KCNJ3: variants seen among roughly 807,000 people sequenced by gnomAD.
KCNJ3 encodes the protein G protein-activated inward rectifier potassium channel 1.
KCNJ3 carries 4 observed loss-of-function variants against 39.2 expected under a neutral mutation model. The observed-to-expected ratio is 0.10, with a 90% CI of 0.05 to 0.23. KCNJ3 has a LOEUF of 0.23. Ranked by LOEUF, KCNJ3 falls within the 10% of genes least tolerant of loss-of-function variation. KCNJ3 has a pLI of 1.00. For synonymous variants in KCNJ3, 230 were observed against 237.4 expected (o/e 0.97, Z 0.29); for missense variants, 276 against 634.9 (o/e 0.43, Z 6.08).
intron 2 of KCNJ3, among the ~76,000 whole-genome samples, chr2:154,716,464 G>T (rs975489571): frequency 1.3e-5 from 2 of 151,594 alleles, no homozygotes; most frequent in African/African-American, 4.8e-5. Flanking sequence ...TAGTGAGATT[G>T]AAATTATTGT....
In KCNJ3 at chr2:154,857,849, C is replaced by T. The variant is rs2652421; in HGVS notation, c.*2536C>T. ...TGAGCCAAGATTCTGCCACTGCACT[C>T]CAGCCTGGGTGACAGTGCGAGACTC... On this transcript the variant is annotated 3_prime_UTR_variant, in exon 3 of 3. Transcript: ENST00000295101. The T allele has an allele frequency of 0.39, 50,919 of 131,750 alleles. 10,839 individuals carry two copies. The highest frequency in any genetic ancestry group is 0.89 in the East Asian group (4,185 of 4,722). The allele number at this position is 131,750 out of a possible 1,614,324, so 8.2% of individuals were successfully genotyped here. A position where few individuals can be genotyped will look rare whatever the true frequency, so the allele number is the denominator to read the frequency against.
chr2:154,710,132 TTAAA>T (rs1213028440), intron 2 of KCNJ3, among the ~76,000 whole-genome samples: 2 of 152,142 alleles, frequency 1.3e-5, no homozygotes, highest in African/African-American at 4.8e-5. Flanking sequence ...TGATTTTTCT[TTAAA>T]GATTTAAGGC....
At chr2:154,711,871 C>T (rs892036761) in intron 2 of KCNJ3, among the ~76,000 whole-genome samples, 1 of 151,968 alleles carries the variant, frequency 6.6e-6, no homozygotes, top group African/African-American at 2.4e-5. Flanking sequence ...GTTATTTTAC[C>T]ATTTTCCCCC....
chr2:154,784,139 GATA>G (rs1388557777), intron 2 of KCNJ3, among the ~76,000 whole-genome samples: 1 of 152,120 alleles, frequency 6.6e-6, no homozygotes, highest in Non-Finnish European at 1.5e-5. Flanking sequence ...TTTGTGAATT[GATA>G]ATGTTAACTC....
At chr2:154,709,915 G>T in intron 2 of KCNJ3, 96 bp downstream of exon 2, 1 of 1,359,916 alleles carries the variant, frequency 7.4e-7, no homozygotes. Context: ...AAATGACTCA[G>T]AGTTTACAAT....
chr2:154,748,404 C>G (rs1031432337), intron 2 of KCNJ3, among the ~76,000 whole-genome samples: 2 of 151,970 alleles, frequency 1.3e-5, no homozygotes, highest in Non-Finnish European at 2.9e-5. Flanking sequence ...TCCTTGTTCC[C>G]TTTAATAAAC....
intron 2 of KCNJ3, among the ~76,000 whole-genome samples, chr2:154,748,379 T>C (rs574093397): frequency 6.6e-6 from 1 of 152,206 alleles, no homozygotes; most frequent in South Asian, 2.1e-4. Flanking sequence ...ATATTGAAGG[T>C]ACGATAGTGC....
chr2:154,830,220 T>A (rs531489291), intron 2 of KCNJ3, among the ~76,000 whole-genome samples: 1 of 152,262 alleles, frequency 6.6e-6, no homozygotes, highest in South Asian at 2.1e-4. Context: ...CTCAAATTAG[T>A]CTGGATTTTT....
At chr2:154,700,995 C>A (rs1574425709) in intron 1 of KCNJ3, among the ~76,000 whole-genome samples, 2 of 152,094 alleles carry the variant, frequency 1.3e-5, no homozygotes, top group Non-Finnish European at 2.9e-5. Context: ...TAATTAATTT[C>A]AATGAACTGC....
chr2:154,752,705 C>G (rs1685867776), intron 2 of KCNJ3, among the ~76,000 whole-genome samples: 1 of 152,016 alleles, frequency 6.6e-6, no homozygotes, highest in Non-Finnish European at 1.5e-5. Flanking sequence ...TCATACTTCT[C>G]TATCCTTGAT....
intron 2 of KCNJ3, among the ~76,000 whole-genome samples, chr2:154,739,028 A>G (rs1685597012): frequency 6.6e-6 from 1 of 152,052 alleles, no homozygotes; most frequent in African/African-American, 2.4e-5. Context: ...TTTAAAAACT[A>G]GAAAGCAGAA....
At chr2:154,847,238 T>TA (rs959597831) in intron 2 of KCNJ3, among the ~76,000 whole-genome samples, 9 of 152,002 alleles carry the variant, frequency 5.9e-5, no homozygotes, top group Middle Eastern at 3.2e-3. Context: ...TAAAAAAGAT[T>TA]AAAAAAAATC....
chr2:154,839,751 C>T (rs1351519467), intron 2 of KCNJ3, among the ~76,000 whole-genome samples: 2 of 152,138 alleles, frequency 1.3e-5, no homozygotes, highest in African/African-American at 2.4e-5. Flanking sequence ...AGTGTCTGTT[C>T]ATATCCTTTG....
At position 154,856,520 on chromosome 2, in the gene KCNJ3, A is replaced by G. The variant is rs1007239806; in HGVS notation, c.*1207A>G. ...TCTTGTTTATGGCATTTGTTGTAAC[A>G]GGATAGACTTTTTCCTCACCTAGGA... is the stretch of plus-strand genomic sequence containing the variant. On this transcript the variant is annotated 3_prime_UTR_variant, in exon 3 of 3. Transcript: ENST00000295101. 1 of 152,194 alleles carries G rather than the reference A, an allele frequency of 6.6e-6. No individual in the cohort carries two copies. Among genetic ancestry groups the G allele is most frequent in the Non-Finnish European group, 1.5e-5 (1 of 68,010 alleles). The allele number at this position is 152,194 out of a possible 1,614,324, so 9.4% of individuals were successfully genotyped here.
intron 1 of KCNJ3, among the ~76,000 whole-genome samples, chr2:154,707,089 T>G (rs1034198075): frequency 6.6e-6 from 1 of 152,092 alleles, no homozygotes; most frequent in African/African-American, 2.4e-5. Context: ...AAAGAAAGGT[T>G]AAATTATATA....
rs1685376404 is a variant in KCNJ3, at chr2:154,727,343, T to C, written c.919+17524T>C. On this transcript the variant is annotated intron_variant, in intron 2 of 2. Transcript: ENST00000295101. ...GCTCACGCCTGTAATCCCAGCACTT[T>C]GGGAGGCTGAGATGGGCGGATCACC... 2.0e-5 allele frequency among the ~76,000 whole-genome samples: 3 copies of C among 151,670 alleles called. No individual in the cohort carries two copies. In the South Asian group the frequency reaches 6.2e-4, roughly 32 times the overall value.
chr2:154,709,606 C>T lies in KCNJ3; in HGVS notation c.706C>T (p.Arg236Trp), dbSNP rs1423236044. ...AQIRCKLLKS[R>W]QTPEGEFLPL... is the part of the protein sequence containing the mutation. ...CTTTTTCTGTGTGCTTGTCTAGTCT[C>T]GGCAGACACCTGAGGGTGAGTTCCT... Residue 236 changes from arginine (R) to tryptophan (W), a missense_variant, in exon 2 of 3, where the codon CGG becomes TGG. Arg to Trp is a moderately radical substitution (Grantham distance 101, BLOSUM62 -3). This residue lies in a region of KCNJ3 where 77 missense variants were observed against 200.0 expected (regional missense o/e 0.38). Coordinates refer to ENST00000295101, the MANE Select transcript of KCNJ3 (RefSeq NM_002239.4). 4 of 1,613,278 alleles carry T rather than the reference C, an allele frequency of 2.5e-6. No homozygotes were observed. Among genetic ancestry groups the T allele is most frequent in the Admixed American group, 1.7e-5 (1 of 59,938 alleles).
intron 2 of KCNJ3, among the ~76,000 whole-genome samples, chr2:154,766,776 G>A (rs141036660): frequency 0.024 from 3,606 of 151,952 alleles, 82 homozygotes; most frequent in Middle Eastern, 0.034. Context: ...GGCTGGTCTC[G>A]AACTCCTGAC....
chr2:154,718,606 A>G (rs1375547396), intron 2 of KCNJ3, among the ~76,000 whole-genome samples: 1 of 152,180 alleles, frequency 6.6e-6, no homozygotes, highest in East Asian at 1.9e-4. Flanking sequence ...ATTGATAGTG[A>G]AATGTCTTTT....
Sources: gnomAD v4.1 joint callset for allele counts (sites outside exome capture counted in the v4.1 genomes callset) on GRCh38, gnomAD v4.1.1 for gene constraint, gnomAD v4.1.1 regional missense constraint, MANE v1.5 for transcripts, NCBI Gene and HGNC (gene_info 2026-07-23, HGNC 2026-07-21) for gene names.